Variants in C3 observed in about 807,000 individuals in gnomAD.
C3 encodes the protein C3 and PZP-like alpha-2-macroglobulin domain-containing protein 1.
A neutral mutation model predicts 207.9 loss-of-function variants in C3; 97 were observed. The observed-to-expected ratio is 0.47, with a 90% CI of 0.40 to 0.55. C3 has a LOEUF of 0.55. C3 is among the 20% of genes least tolerant of loss of function. C3 has a pLI of 0.00. For missense variants in C3, 1,684 were observed against 2,171.7 expected, an observed-to-expected ratio of 0.78 and a Z score of 4.46; for synonymous variants, 848 against 857.6, an observed-to-expected ratio of 0.99 and a Z score of 0.20.
Position 6,714,394 on chromosome 19 carries a change from A to G in C3, c.557T>C (p.Leu186Pro), listed in dbSNP as rs758682672. 3 of 1,613,894 alleles carry G rather than the reference A, an allele frequency of 1.9e-6. No homozygotes were observed. In the South Asian group the frequency reaches 3.3e-5, roughly 18 times the overall value. The change falls in exon 5 of 41, where the codon CTT becomes CCT. Residue 186 changes from leucine (L) to proline (P), a missense_variant. Leu to Pro is a moderately conservative substitution (Grantham distance 98). Coordinates refer to ENST00000245907, the MANE Select transcript of C3 (RefSeq NM_000064.4). ...GTCCCAAGACAAGGGCAAGACGCCA[A>G]GCTGGTTCTGAGAAGACAAGGAGTC... ...KQDSLSSQNQLGVLPLSWDIP... is the reference protein window; with the variant it reads ...KQDSLSSQNQPGVLPLSWDIP...
intron 19 of C3, among the ~76,000 whole-genome samples, chr19:6,698,864 G>A (rs1231099574): frequency 2.0e-5 from 3 of 151,992 alleles, no homozygotes; most frequent in African/African-American, 7.2e-5. Context: ...GCGTGATCTT[G>A]GCTCACTACA....
intron 13 of C3, 60 bp downstream of exon 13, chr19:6,710,578 GA>G: frequency 8.0e-7 from 1 of 1,253,352 alleles, no homozygotes; most frequent in Non-Finnish European, 1.1e-6. Context: ...GACAGGGAGA[GA>G]GAGAGAGAGA....
At chr19:6,713,713 C>T (rs1388384895) in intron 7 of C3, 5 of 490,034 alleles carry the variant, frequency 1.0e-5, no homozygotes, top group African/African-American at 5.5e-5. Context: ...CACCTCCAGC[C>T]CCTCACCTGG....
At chr19:6,699,873 T>A (rs1463433608) in intron 19 of C3, among the ~76,000 whole-genome samples, 1 of 151,346 alleles carries the variant, frequency 6.6e-6, no homozygotes, top group Non-Finnish European at 1.5e-5. Flanking sequence ...ATTTTGGGTA[T>A]ATTTAAATTA....
At chr19:6,711,920 G>T (rs1967930735) in intron 11 of C3, among the ~76,000 whole-genome samples, 1 of 152,222 alleles carries the variant, frequency 6.6e-6, no homozygotes, top group Admixed American at 6.5e-5. Flanking sequence ...GCCTCTCCGT[G>T]TAAGTGGAAG....
chr19:6,678,330 A>G (rs1487294228), intron 39 of C3, 42 bp downstream of exon 39: 1 of 1,613,880 alleles, frequency 6.2e-7, no homozygotes, highest in Non-Finnish European at 8.5e-7. Flanking sequence ...CGTGGGGAGG[A>G]AGCCAGGGAA....
At chr19:6,713,351 G>C (rs769618979) in intron 8 of C3, 36 bp from the exon 9 acceptor site, 1 of 1,613,926 alleles carries the variant, frequency 6.2e-7, no homozygotes. Context: ...GAGGGGAGCG[G>C]GCTCAGAGGT....
chr19:6,697,055 A>AT (rs1324603175), intron 21 of C3, among the ~76,000 whole-genome samples: 1,434 of 87,664 alleles, frequency 0.016, 96 homozygotes, highest in African/African-American at 0.061. Context: ...AAAATAAACA[A>AT]ACAAATAAAT....
chr19:6,688,807 C>T (rs1354606423), intron 27 of C3, among the ~76,000 whole-genome samples: 1 of 152,198 alleles, frequency 6.6e-6, no homozygotes, highest in Non-Finnish European at 1.5e-5. Flanking sequence ...CTTCTTCTCC[C>T]TTCCATTCAC....
At chr19:6,696,753 C>A (rs1967542118) in intron 21 of C3, 94 bp from the exon 22 acceptor site, 2 of 1,280,080 alleles carry the variant, frequency 1.6e-6, no homozygotes, top group South Asian at 1.2e-5. Flanking sequence ...TAGGATCACC[C>A]TAGCATTGCC....
At chr19:6,709,480 A>G (rs529080850) in intron 14 of C3, among the ~76,000 whole-genome samples, 38 of 152,076 alleles carry the variant, frequency 2.5e-4, no homozygotes, top group Middle Eastern at 6.8e-3. Flanking sequence ...AAAAAGTCCA[A>G]TTCTCAGGAC....
At position 6,709,767 on chromosome 19, in the gene C3, C is replaced by T; in HGVS notation, c.1762G>A (p.Asp588Asn). The change falls in exon 14 of 41, where the codon GAC becomes AAC. Residue 588 changes from aspartate to asparagine, a missense_variant. Physicochemically the swap from Asp to Asn is conservative, Grantham distance 23 (BLOSUM62 1). Coordinates refer to ENST00000245907, the MANE Select transcript of C3 (RefSeq NM_000064.4). ...ACCAGTACCACCCGGGCCCCGTGGT[C>T]ACCCTCTATCTTCAGGGTCATCTGC... The part of the protein sequence containing the change: ...GQQMTLKIEG[D>N]HGARVVLVAV... 6.2e-7 allele frequency: 1 copy of T among 1,614,084 alleles called. No homozygotes were observed. Among genetic ancestry groups the T allele is most frequent in the Non-Finnish European group, 8.5e-7 (1 of 1,180,030 alleles).
chr19:6,708,639 TTCTC>T (rs35584057), intron 14 of C3, among the ~76,000 whole-genome samples: 21,718 of 146,348 alleles, frequency 0.15, 1,935 homozygotes, highest in East Asian at 0.3. Context: ...TTCTTTTTCT[TTCTC>T]TCTGTTTCTC....
chr19:6,711,234 C>T (rs200337438), intron 11 of C3, 38 bp from the exon 12 acceptor site: 96 of 1,556,662 alleles, frequency 6.2e-5, no homozygotes, highest in African/African-American at 5.4e-5. Flanking sequence ...GGTCGCCGCC[C>T]GAGGATACCC....
At chr19:6,701,088 C>T (rs2084277967) in intron 19 of C3, among the ~76,000 whole-genome samples, 1 of 152,024 alleles carries the variant, frequency 6.6e-6, no homozygotes, top group South Asian at 2.1e-4. Context: ...GCGCTGCTCA[C>T]TGGCAGTCAG....
intron 17 of C3, among the ~76,000 whole-genome samples, chr19:6,706,536 T>C (rs1034558298): frequency 2.0e-5 from 3 of 152,100 alleles, no homozygotes; most frequent in Admixed American, 6.5e-5. Context: ...TACCTCACGC[T>C]GGCAGGGCAT....
intron 13 of C3, 61 bp from the exon 14 acceptor site, chr19:6,709,903 G>T: frequency 6.4e-7 from 1 of 1,570,918 alleles, no homozygotes. Context: ...TGCCTGGGAT[G>T]GAGTGGGTGC....
intron 37 of C3, 60 bp from the exon 38 acceptor site, chr19:6,679,268 A>C (rs1917796845): frequency 6.6e-7 from 1 of 1,523,068 alleles, no homozygotes; most frequent in Non-Finnish European, 9.1e-7. Flanking sequence ...CCTACTGCCC[A>C]TGGGTGTGGC....
chr19:6,713,766 C>G (rs1245777182), intron 7 of C3: 1 of 348,756 alleles, frequency 2.9e-6, no homozygotes, highest in East Asian at 5.7e-5. Context: ...CAGCCCCCAC[C>G]TGACTCCACC....
Sources: gnomAD v4.1 joint callset for allele counts (sites outside exome capture counted in the v4.1 genomes callset) on GRCh38, gnomAD v4.1.1 for gene constraint, MANE v1.5 for transcripts, NCBI Gene and HGNC (gene_info 2026-07-23, HGNC 2026-07-21) for gene names.